EBF1: variants seen among roughly 807,000 people sequenced by gnomAD.
EBF1 encodes transcription factor COE1.
A neutral mutation model predicts 68.4 loss-of-function variants in EBF1; 10 were observed. The ratio of observed to expected loss-of-function variants is 0.15; its 90% confidence interval spans 0.09 to 0.25. The LOEUF is 0.25. Among genes scored for constraint, EBF1 ranks in the 10% least tolerant of loss-of-function variants. The pLI, the probability that EBF1 is intolerant of heterozygous loss-of-function variation, is 1.00. For missense variants in EBF1, 509 were observed against 794.4 expected (o/e 0.64, Z 4.32); for synonymous variants, 298 against 299.8 (o/e 0.99, Z 0.06).
chr5:159,060,365 T>C (rs1775559329), intron 6 of EBF1, among the ~76,000 whole-genome samples: 1 of 152,212 alleles, frequency 6.6e-6, no homozygotes, highest in South Asian at 2.1e-4. Flanking sequence ...TAATGCAAAA[T>C]AATTTCTCAT....
chr5:158,698,071 A>G lies in EBF1; in HGVS notation c.*1040T>C, dbSNP rs906485352. The G allele has an allele frequency of 9.2e-6, 2 of 217,256 alleles. No individual in the cohort carries two copies. The highest frequency in any genetic ancestry group is 4.5e-5 in the African/African-American group (2 of 44,416). The allele number at this position is 217,256 out of a possible 1,614,324, so 13.5% of individuals were successfully genotyped here. A position where few individuals can be genotyped will look rare whatever the true frequency, so the allele number is the denominator to read the frequency against. On this transcript the variant is annotated 3_prime_UTR_variant, in exon 16 of 16. Transcript: ENST00000313708. ...ATAGAGGCAGTATCTGGAATGGGAA[A>G]ATCGAAAATACCTGCCACGTTGCTT...
chr5:158,926,350 A>G (rs1809686326), intron 6 of EBF1, among the ~76,000 whole-genome samples: 1 of 152,228 alleles, frequency 6.6e-6, no homozygotes, highest in Non-Finnish European at 1.5e-5. Flanking sequence ...TTCTGAAGGT[A>G]ACAATAAGAA....
At chr5:158,733,760 A>G (rs1764599069) in intron 10 of EBF1, among the ~76,000 whole-genome samples, 1 of 152,146 alleles carries the variant, frequency 6.6e-6, no homozygotes, top group Admixed American at 6.5e-5. Context: ...TGCCCTCAAT[A>G]CAGGTATTGA....
At chr5:158,799,434 AATT>A (rs1188518488) in intron 8 of EBF1, among the ~76,000 whole-genome samples, 10 of 32,928 alleles carry the variant, frequency 3.0e-4, no homozygotes, top group African/African-American at 4.9e-4. Context: ...TAAATAAATT[AATT>A]AATTAAATTA....
intron 15 of EBF1, among the ~76,000 whole-genome samples, chr5:158,707,207 G>A (rs1250122012): frequency 2.6e-5 from 4 of 152,196 alleles, no homozygotes; most frequent in African/African-American, 9.7e-5. Flanking sequence ...GGTTGTGCAG[G>A]TCTCAACATA....
intron 6 of EBF1, among the ~76,000 whole-genome samples, chr5:158,991,701 A>G (rs1760359537): frequency 1.3e-5 from 2 of 152,258 alleles, no homozygotes; most frequent in Non-Finnish European, 2.9e-5. Flanking sequence ...TTAGGTGATT[A>G]CGGCAAGTCA....
chr5:159,093,126 G>A (rs1472702901), intron 4 of EBF1, among the ~76,000 whole-genome samples: 2 of 152,104 alleles, frequency 1.3e-5, no homozygotes, highest in African/African-American at 2.4e-5. Context: ...GCTTCTTCAC[G>A]CTCATCTATC....
intron 6 of EBF1, among the ~76,000 whole-genome samples, chr5:158,904,040 G>A (rs1804024780): frequency 6.6e-6 from 1 of 152,050 alleles, no homozygotes; most frequent in African/African-American, 2.4e-5. Flanking sequence ...AAGAAGGAGT[G>A]GGGAGCTGCA....
chr5:158,988,958 C>T (rs1434029743), intron 6 of EBF1, among the ~76,000 whole-genome samples: 1 of 152,240 alleles, frequency 6.6e-6, no homozygotes, highest in Non-Finnish European at 1.5e-5. Flanking sequence ...ATAATTCCAA[C>T]AGAAAACCCT....
rs369568617 is a variant in EBF1 at position 158,738,688 on chromosome 5, CAGAA to C, written c.1037-7535_1037-7532del. 2.5e-3 allele frequency among the ~76,000 whole-genome samples: 385 copies of C among 152,288 alleles called. 2 individuals carry two copies. Among genetic ancestry groups the C allele is most frequent in the African/African-American group, 8.7e-3 (361 of 41,562 alleles). On this transcript the variant is annotated intron_variant, in intron 10 of 15. Coordinates refer to ENST00000313708, the MANE Select transcript of EBF1 (RefSeq NM_024007.5). ...AATTCAAAGGTGGGAAACTGAGGCA[CAGAA>C]AGAGTTGGTTGCATAAATTAGCACA...
rs944713792 is a variant in EBF1 at position 158,702,325 on chromosome 5, A to G, written c.1745-3183T>C. On this transcript the variant is annotated intron_variant, in intron 15 of 15. Transcript: ENST00000313708. The stretch of plus-strand genomic sequence containing the variant: ...GGAATGTTCCAGCAATGCCATTGGC[A>G]TGCTAACTTGCCCAAGTGGAGTGCA... Among the ~76,000 whole-genome samples the G allele has an allele frequency of 3.9e-5, 6 of 152,116 alleles. No homozygotes were observed. The South Asian group carries it at 6.2e-4, about 16-fold the overall frequency.
At chr5:159,007,532 T>C in intron 6 of EBF1, among the ~76,000 whole-genome samples, 1 of 152,198 alleles carries the variant, frequency 6.6e-6, no homozygotes, top group Non-Finnish European at 1.5e-5. Flanking sequence ...AAACACACTC[T>C]GTGCACATGA....
intron 6 of EBF1, among the ~76,000 whole-genome samples, chr5:158,912,346 A>G (rs1806174012): frequency 6.6e-6 from 1 of 152,232 alleles, no homozygotes; most frequent in African/African-American, 2.4e-5. Context: ...TGCCCAATTT[A>G]AAATGGAGTG....
At chr5:158,948,033 C>G (rs1329918021) in intron 6 of EBF1, among the ~76,000 whole-genome samples, 1 of 152,210 alleles carries the variant, frequency 6.6e-6, no homozygotes, top group African/African-American at 2.4e-5. Context: ...CATGAATCCC[C>G]CATTCCTAGA....
intron 6 of EBF1, among the ~76,000 whole-genome samples, chr5:158,948,761 C>G (rs1013713068): frequency 2.0e-5 from 3 of 152,204 alleles, no homozygotes; most frequent in African/African-American, 7.2e-5. Flanking sequence ...GCATTCTCGT[C>G]TTCATGGACA....
intron 8 of EBF1, among the ~76,000 whole-genome samples, chr5:158,804,697 C>G (rs185371524): frequency 1.4e-4 from 22 of 152,274 alleles, no homozygotes; most frequent in South Asian, 1.0e-3. Flanking sequence ...GTTAACTACA[C>G]TGCAGCTCAG....
intron 6 of EBF1, among the ~76,000 whole-genome samples, chr5:158,879,289 G>T (rs1264175379): frequency 6.6e-6 from 1 of 152,214 alleles, no homozygotes; most frequent in Non-Finnish European, 1.5e-5. Flanking sequence ...GGCAACATAT[G>T]ATTCTACCAT....
chr5:159,077,674 T>C (rs1192809000), intron 5 of EBF1, among the ~76,000 whole-genome samples: 1 of 151,310 alleles, frequency 6.6e-6, no homozygotes, highest in African/African-American at 2.4e-5. Flanking sequence ...AGTTAACCTA[T>C]AGAGAGTGGA....
chr5:158,775,649 G>A (rs890367699), intron 10 of EBF1, among the ~76,000 whole-genome samples: 1 of 151,920 alleles, frequency 6.6e-6, no homozygotes, highest in Non-Finnish European at 1.5e-5. Flanking sequence ...GGAACATTGT[G>A]AAAAACTCCC....
Sources: gnomAD v4.1 joint callset for allele counts (sites outside exome capture counted in the v4.1 genomes callset) on GRCh38, gnomAD v4.1.1 for gene constraint, MANE v1.5 for transcripts, NCBI Gene and HGNC (gene_info 2026-07-23, HGNC 2026-07-21) for gene names.